The following DCC variants were observed in gnomAD, a reference collection of about 807,000 sequenced individuals.
DCC encodes netrin receptor DCC.
A neutral mutation model predicts 172.5 loss-of-function variants in DCC; 58 were observed. The ratio of observed to expected loss-of-function variants is 0.34; its 90% CI spans 0.27 to 0.42. The LOEUF (loss-of-function observed/expected upper bound fraction) is 0.42, where lower values mean the gene tolerates loss of function less well. DCC is among the 10% of genes least tolerant of loss of function. DCC has a pLI of 1.00. For synonymous variants in DCC, 709 were observed against 644.5 expected (o/e 1.10, Z -1.52); for missense variants, 1,740 against 1,791.0 (o/e 0.97, Z 0.51).
intron 7 of DCC, among the ~76,000 whole-genome samples, chr18:53,073,462 C>T (rs1054821119): frequency 4.6e-5 from 7 of 152,038 alleles, no homozygotes; most frequent in Non-Finnish European, 8.8e-5. Context: ...GGGGGCGGAG[C>T]TTGCAGTGAG....
At chr18:52,454,986 C>T (rs347541) in intron 1 of DCC, among the ~76,000 whole-genome samples, 118,558 of 152,140 alleles carry the variant, frequency 0.78, 47,045 homozygotes, top group African/African-American at 0.93. Context: ...TTTCCAATTG[C>T]GTTTCATCAT....
chr18:53,204,335 T>G (rs114701994), intron 9 of DCC, among the ~76,000 whole-genome samples: 3,274 of 152,132 alleles, frequency 0.022, 121 homozygotes, highest in African/African-American at 0.074. Context: ...TGCCAGGAGT[T>G]CAAGACTGTC....
intron 2 of DCC, among the ~76,000 whole-genome samples, chr18:52,892,234 T>C (rs2039661619): frequency 1.3e-5 from 2 of 152,108 alleles, no homozygotes; most frequent in Non-Finnish European, 2.9e-5. Flanking sequence ...AGCAATGTTG[T>C]TGCTGATTCT....
intron 2 of DCC, among the ~76,000 whole-genome samples, chr18:52,866,535 T>C (rs1270137990): frequency 6.6e-6 from 1 of 152,106 alleles, no homozygotes; most frequent in Admixed American, 6.5e-5. Context: ...TGGAATGTTT[T>C]TCCGTTTGTG....
At chr18:52,967,972 C>G (rs1034324963) in intron 5 of DCC, among the ~76,000 whole-genome samples, 1 of 152,086 alleles carries the variant, frequency 6.6e-6, no homozygotes, top group South Asian at 2.1e-4. Context: ...ACACATTTTA[C>G]TTTGTTCAAT....
intron 5 of DCC, among the ~76,000 whole-genome samples, chr18:52,953,726 G>A (rs534249729): frequency 1.3e-5 from 2 of 152,310 alleles, no homozygotes; most frequent in Admixed American, 1.3e-4. Context: ...CAGTGTGTTA[G>A]GAGCAGGAAT....
chr18:52,927,048 TATATATACAC>T (rs1437592286), intron 5 of DCC, among the ~76,000 whole-genome samples: 1 of 138,510 alleles, frequency 7.2e-6, no homozygotes, highest in East Asian at 2.1e-4. Context: ...TGCCAATACA[TATATATACAC>T]ATATATACAC....
At chr18:53,410,714 T>A (rs1450121713) in intron 20 of DCC, 68 bp downstream of exon 20, 4 of 971,632 alleles carry the variant, frequency 4.1e-6, no homozygotes, top group Non-Finnish European at 5.0e-6. Context: ...TTGCACTCTG[T>A]GTTAGAAATG....
rs539345257 is a variant in DCC, at chr18:52,848,772, A to G, written c.413-57272A>G. On this transcript the variant is annotated intron_variant, in intron 2 of 28. Coordinates refer to ENST00000442544, the MANE Select transcript of DCC (RefSeq NM_005215.4). ...TCTTTCTCTAATGGTTTAAGATAAGACATATTTTTCCATTTATGTTAAGTG... is the reference window on the plus strand; with the variant it reads ...TCTTTCTCTAATGGTTTAAGATAAGGCATATTTTTCCATTTATGTTAAGTG... Among the ~76,000 whole-genome samples, 48 of 152,316 alleles carry G rather than the reference A, an allele frequency of 3.2e-4. No individual in the cohort carries two copies. In the South Asian group the frequency reaches 5.8e-3, roughly 18 times the overall value.
chr18:52,444,721 T>C lies in DCC; in HGVS notation c.91+103843T>C, dbSNP rs17754828. Reference sequence around the variant, plus strand: ...ATTGTTTAGAAATCTAATTTTTTTTTCTTCTCAAGAATGTATTCGGAGTAA... The same window carrying C: ...ATTGTTTAGAAATCTAATTTTTTTTCCTTCTCAAGAATGTATTCGGAGTAA... On this transcript the variant is annotated intron_variant, in intron 1 of 28. Transcript: ENST00000442544. 9.9e-3 allele frequency among the ~76,000 whole-genome samples: 1,513 copies of C among 152,290 alleles called. 59 individuals are homozygous for C. Among genetic ancestry groups the C allele is most frequent in the Admixed American group, 0.065 (1,001 of 15,302 alleles).
chr18:53,047,903 A>ATGTGTG (rs35014270), intron 5 of DCC, among the ~76,000 whole-genome samples: 2 of 146,780 alleles, frequency 1.4e-5, no homozygotes, highest in Non-Finnish European at 3.0e-5. Flanking sequence ...TTCCTTCGAG[A>ATGTGTG]TGTGTGTGTG....
At chr18:52,399,704 T>C (rs1408652612) in intron 1 of DCC, among the ~76,000 whole-genome samples, 2 of 151,990 alleles carry the variant, frequency 1.3e-5, no homozygotes, top group African/African-American at 2.4e-5. Context: ...TTTTCTGTGA[T>C]GTTATGATCA....
chr18:52,881,961 CTTCTT>C (rs1173066106), intron 2 of DCC, among the ~76,000 whole-genome samples: 1 of 151,906 alleles, frequency 6.6e-6, no homozygotes, highest in African/African-American at 2.4e-5. Flanking sequence ...TTTTGTATGT[CTTCTT>C]TAATTTCTTT....
At chr18:52,694,701 C>G (rs2035984698) in intron 1 of DCC, among the ~76,000 whole-genome samples, 1 of 152,008 alleles carries the variant, frequency 6.6e-6, no homozygotes, top group Non-Finnish European at 1.5e-5. Context: ...GAGGGTAGAG[C>G]TGAGTAAGAG....
chr18:52,418,845 T>C (rs1987139781), intron 1 of DCC, among the ~76,000 whole-genome samples: 2 of 125,402 alleles, frequency 1.6e-5, no homozygotes. Context: ...TCTTTTTCTT[T>C]CTTTCTTTCT....
intron 1 of DCC, among the ~76,000 whole-genome samples, chr18:52,404,264 G>T (rs1366537339): frequency 1.3e-5 from 2 of 152,034 alleles, no homozygotes; most frequent in Admixed American, 6.6e-5. Context: ...AATTGAAAAT[G>T]TACAGACATC....
chr18:52,918,932 G>A (rs2040078915), intron 3 of DCC, among the ~76,000 whole-genome samples: 1 of 152,068 alleles, frequency 6.6e-6, no homozygotes, highest in African/African-American at 2.4e-5. Context: ...AAAATTTAAT[G>A]ACTCAAAACA....
intron 22 of DCC, among the ~76,000 whole-genome samples, chr18:53,439,795 C>T (rs563024740): frequency 5.7e-5 from 6 of 106,046 alleles, no homozygotes; most frequent in Non-Finnish European, 1.1e-4. Context: ...GACGGAGTCT[C>T]GCTCTGTCGC....
At chr18:53,486,486 GACAA>G (rs982945344) in intron 25 of DCC, among the ~76,000 whole-genome samples, 5 of 152,172 alleles carry the variant, frequency 3.3e-5, no homozygotes, top group East Asian at 1.9e-4. Flanking sequence ...CTAAGACCAA[GACAA>G]ACAAACAACA....
Sources: allele counts gnomAD v4.1 joint callset (sites outside exome capture counted in the v4.1 genomes callset), GRCh38; gene constraint gnomAD v4.1.1; transcripts MANE v1.5; gene names NCBI Gene and HGNC (gene_info 2026-07-23, HGNC 2026-07-21).